PTPRG: variants seen among roughly 807,000 people sequenced by gnomAD.
PTPRG encodes the protein protein tyrosine phosphatase receptor type G, also known as receptor-type tyrosine-protein phosphatase gamma.
In PTPRG, 102 loss-of-function variants were observed where a neutral mutation model predicts 165.3. That is an observed-to-expected ratio of 0.62 (90% confidence interval 0.53 to 0.73). The LOEUF (loss-of-function observed/expected upper bound fraction) is 0.73, where lower values mean the gene tolerates loss of function less well. Among genes scored for constraint, PTPRG ranks in the 30% least tolerant of loss-of-function variants. PTPRG has a pLI of 0.00. For missense variants in PTPRG, 1,866 were observed against 1,861.4 expected (o/e 1.00, Z -0.05); for synonymous variants, 675 against 669.5 (o/e 1.01, Z -0.13).
chr3:61,911,411 T>C (rs2038801257), intron 2 of PTPRG, among the ~76,000 whole-genome samples: 1 of 152,226 alleles, frequency 6.6e-6, no homozygotes, highest in Admixed American at 6.5e-5. Context: ...TATGTTATTT[T>C]TACTAAATAT....
intron 4 of PTPRG, among the ~76,000 whole-genome samples, chr3:62,007,003 T>A (rs1449865424): frequency 6.6e-6 from 1 of 152,210 alleles, no homozygotes. Flanking sequence ...CCTCTTTGGT[T>A]TTTAGAGAGT....
In PTPRG at chr3:62,080,061, C is replaced by CTTTTTTTTTT. The variant is rs774262138; in HGVS notation, c.615+1803_615+1804insTTTTTTTTTT. ...GAGTTCTGTCTGGACCCCTTCGGTT[C>CTTTTTTTTTT]ATTTTTTTTTTTTTTTTTTTTGAGA... On this transcript the variant is annotated intron_variant, in intron 5 of 29. Transcript: ENST00000474889. Among the ~76,000 whole-genome samples the CTTTTTTTTTT allele has an allele frequency of 3.6e-5, 4 of 111,570 alleles. 1 individual carries two copies. The highest frequency in any genetic ancestry group is 1.1e-4 in the African/African-American group (3 of 27,804). 73.2% of individuals were successfully genotyped at this position (111,570 alleles called of 152,430 possible). A position where few individuals can be genotyped will look rare whatever the true frequency, so the allele number is the denominator to read the frequency against.
At chr3:61,789,891 A>G (rs1033952184) in intron 2 of PTPRG, among the ~76,000 whole-genome samples, 5 of 152,240 alleles carry the variant, frequency 3.3e-5, no homozygotes, top group African/African-American at 9.6e-5. Flanking sequence ...TGGGGACAGT[A>G]AATTTTGTGC....
chr3:62,273,223 G>A lies in PTPRG; in HGVS notation c.3318+142G>A. The A allele has an allele frequency of 1.0e-6, 1 of 980,800 alleles. No homozygotes were observed. Among genetic ancestry groups the A allele is most frequent in the Non-Finnish European group, 1.4e-6 (1 of 693,564 alleles). 60.8% of individuals were successfully genotyped at this position (980,800 alleles called of 1,614,324 possible). A position where few individuals can be genotyped will look rare whatever the true frequency, so the allele number is the denominator to read the frequency against. ...TTGTATTAGAAGATATTCTGACAATGATCCTATTCTACGGATCACAGTTTT... is the reference window on the plus strand; with the variant it reads ...TTGTATTAGAAGATATTCTGACAATAATCCTATTCTACGGATCACAGTTTT... On this transcript the variant is annotated intron_variant, in intron 22 of 29. Coordinates refer to ENST00000474889, the MANE Select transcript of PTPRG (RefSeq NM_002841.4). This position sits in a 1 kb window ranked among gnomAD's most constrained non-coding sequence, Gnocchi z 4.1.
intron 2 of PTPRG, among the ~76,000 whole-genome samples, chr3:61,849,888 T>G (rs2036914165): frequency 6.6e-6 from 1 of 152,220 alleles, no homozygotes; most frequent in African/African-American, 2.4e-5. Flanking sequence ...CTGAGTTGAC[T>G]TAAGAGGAGT....
At chr3:61,840,230 C>T (rs2036584174) in intron 2 of PTPRG, among the ~76,000 whole-genome samples, 1 of 151,986 alleles carries the variant, frequency 6.6e-6, no homozygotes, top group Admixed American at 6.6e-5. Context: ...ACTTAGGTTG[C>T]TTTTAGTTTT....
At chr3:62,049,369 A>G (rs191582804) in intron 4 of PTPRG, among the ~76,000 whole-genome samples, 1 of 152,352 alleles carries the variant, frequency 6.6e-6, no homozygotes, top group Admixed American at 6.5e-5. Flanking sequence ...TATACTGGGT[A>G]GAGAAGGATT....
intron 12 of PTPRG, among the ~76,000 whole-genome samples, chr3:62,207,293 C>A (rs1700254328): frequency 6.6e-6 from 1 of 152,174 alleles, no homozygotes; most frequent in South Asian, 2.1e-4. Context: ...TGATATGGTC[C>A]ACAATCTGTC....
chr3:61,597,614 G>A (rs187818953), intron 1 of PTPRG, among the ~76,000 whole-genome samples: 2 of 152,238 alleles, frequency 1.3e-5, no homozygotes, highest in African/African-American at 4.8e-5. Flanking sequence ...TTGGTTTTAG[G>A]TCATTGTCCT....
At chr3:61,624,594 C>T (rs1412998287) in intron 1 of PTPRG, among the ~76,000 whole-genome samples, 1 of 152,282 alleles carries the variant, frequency 6.6e-6, no homozygotes, top group Non-Finnish European at 1.5e-5. Flanking sequence ...CTGCAGACTT[C>T]TTGTTATATG....
intron 3 of PTPRG, among the ~76,000 whole-genome samples, chr3:62,001,991 C>G (rs548664936): frequency 6.6e-6 from 1 of 152,312 alleles, no homozygotes; most frequent in South Asian, 2.1e-4. Context: ...AGTGCTGTAG[C>G]ATGTTTAATT....
At chr3:62,253,910 T>C (rs1184603627) in intron 15 of PTPRG, among the ~76,000 whole-genome samples, 1 of 152,228 alleles carries the variant, frequency 6.6e-6, no homozygotes, top group Non-Finnish European at 1.5e-5. Context: ...GCAACTTGGA[T>C]TATGAACACA....
At chr3:62,153,580 G>A (rs983185043) in intron 6 of PTPRG, among the ~76,000 whole-genome samples, 6 of 152,084 alleles carry the variant, frequency 3.9e-5, no homozygotes, top group Non-Finnish European at 7.4e-5. Context: ...AAAAAGACAT[G>A]CACAAAACAT....
At chr3:61,574,665 A>ACATTATC (rs1310399565) in intron 1 of PTPRG, among the ~76,000 whole-genome samples, 1 of 152,202 alleles carries the variant, frequency 6.6e-6, no homozygotes, top group African/African-American at 2.4e-5. Context: ...TGTTGCTGTA[A>ACATTATC]CATTATCTGA....
At chr3:62,250,821 C>T (rs1260338542) in intron 15 of PTPRG, among the ~76,000 whole-genome samples, 1 of 152,154 alleles carries the variant, frequency 6.6e-6, no homozygotes, top group Admixed American at 6.5e-5. Flanking sequence ...TACCTACAAA[C>T]CTAATTTCAA....
chr3:61,909,070 A>G (rs1435182183), intron 2 of PTPRG, among the ~76,000 whole-genome samples: 3 of 152,222 alleles, frequency 2.0e-5, no homozygotes, highest in Non-Finnish European at 1.5e-5. Context: ...ATAACTGGGT[A>G]CTTTTAATGG....
intron 5 of PTPRG, among the ~76,000 whole-genome samples, chr3:62,111,204 G>A (rs1702655727): frequency 6.6e-6 from 1 of 152,232 alleles, no homozygotes; most frequent in South Asian, 2.1e-4. Flanking sequence ...TTGTAGAGAA[G>A]TTAAGTCAAA....
intron 4 of PTPRG, among the ~76,000 whole-genome samples, chr3:62,072,250 G>C (rs773268836): frequency 1.3e-5 from 2 of 152,120 alleles, no homozygotes; most frequent in Non-Finnish European, 2.9e-5. Context: ...TGACAGTATT[G>C]GGATTCATGC....
rs924305279 is a variant in PTPRG, at chr3:62,240,190, A to G, written c.2376-3617A>G. On this transcript the variant is annotated intron_variant, in intron 14 of 29. Coordinates refer to ENST00000474889, the MANE Select transcript of PTPRG (RefSeq NM_002841.4). This position sits in a 1 kb window ranked among gnomAD's most constrained non-coding sequence, Gnocchi z 5.1. ...AATGATCTCATTTCGTTTTTTAAAAATAAAACCCCCATGTAGTCCCAGCTA... is the reference window on the plus strand; with the variant it reads ...AATGATCTCATTTCGTTTTTTAAAAGTAAAACCCCCATGTAGTCCCAGCTA... Among the ~76,000 whole-genome samples, 2 of 152,170 alleles carry G rather than the reference A, an allele frequency of 1.3e-5. No homozygotes were observed. The highest frequency in any genetic ancestry group is 1.3e-4 in the Admixed American group (2 of 15,266).
Sources: gnomAD v4.1 joint callset for allele counts (sites outside exome capture counted in the v4.1 genomes callset) on GRCh38, gnomAD v4.1.1 for gene constraint, Gnocchi (gnomAD v3.1) non-coding constraint, MANE v1.5 for transcripts, NCBI Gene and HGNC (gene_info 2026-07-23, HGNC 2026-07-21) for gene names.